Variants in CCDC85C observed in about 807,000 individuals in gnomAD.
The protein encoded by CCDC85C is coiled-coil domain-containing protein 85C.
Under a neutral mutation model 38.3 loss-of-function variants are expected in CCDC85C, and 18 were observed. The ratio of observed to expected loss-of-function variants is 0.47; its 90% confidence interval spans 0.33 to 0.70. The LOEUF (loss-of-function observed/expected upper bound fraction) is 0.70, where lower values mean the gene tolerates loss of function less well. Ranked by LOEUF, CCDC85C falls within the 30% of genes least tolerant of loss-of-function variation. The probability of loss-of-function intolerance (pLI) is 0.03; values close to 1 mark genes in which losing one functional copy is unlikely to be tolerated. For missense variants in CCDC85C, 566 were observed against 621.2 expected (o/e 0.91, Z 0.94); for synonymous variants, 264 against 293.8 (o/e 0.90, Z 1.04).
Position 99,501,200 on chromosome 14 carries a change from A to T in CCDC85C, c.*14046T>A, listed in dbSNP as rs1221513005. 5 of 639,494 alleles carry T rather than the reference A, an allele frequency of 7.8e-6. No individual in the cohort carries two copies. In the East Asian group the frequency reaches 1.1e-4, roughly 14 times the overall value. 39.6% of individuals were successfully genotyped at this position (639,494 alleles called of 1,614,324 possible). A position where few individuals can be genotyped will look rare whatever the true frequency, so the allele number is the denominator to read the frequency against. On this transcript the variant is annotated 3_prime_UTR_variant, in exon 6 of 6. Coordinates refer to ENST00000380243, the MANE Select transcript of CCDC85C (RefSeq NM_001144995.2). ...GTCATGAGGAGGAAGAAGGGGTAGG[A>T]TGTGGACCCACATCATTCATCCTTG...
At position 99,515,309 on chromosome 14, in the gene CCDC85C, T is replaced by C. The variant is rs1566758041; in HGVS notation, c.1197A>G (p.Ala399=). Residue 399 remains alanine (A), a synonymous_variant, in exon 6 of 6, where the codon GCA becomes GCG. Transcript: ENST00000380243. The part of the protein sequence containing the change: ...CNVVWRKLGD[A]ASSKPSIRQH... ...GCCGTATGGAGGGCTTGGAGCTGGC[T>C]GCATCTCCCAGCTTTCTCCAGACCA... The C allele has an allele frequency of 1.9e-6, 3 of 1,550,786 alleles. No homozygotes were observed. The highest frequency in any genetic ancestry group is 2.6e-6 in the Non-Finnish European group (3 of 1,146,802).
chr14:99,596,273 C>T (rs183778561), intron 1 of CCDC85C, among the ~76,000 whole-genome samples: 7 of 152,310 alleles, frequency 4.6e-5, no homozygotes, highest in South Asian at 2.1e-4. Flanking sequence ...TTCTAAGACA[C>T]GCCCCATATT....
At chr14:99,565,283 G>A (rs541471887) in intron 1 of CCDC85C, among the ~76,000 whole-genome samples, 84 of 152,288 alleles carry the variant, frequency 5.5e-4, no homozygotes, top group Middle Eastern at 6.8e-3. Context: ...CCACCCCTGC[G>A]GGGCTCAGCT....
At position 99,507,081 on chromosome 14, in the gene CCDC85C, C is replaced by T. The variant is rs1307601966; in HGVS notation, c.*8165G>A. On this transcript the variant is annotated 3_prime_UTR_variant, in exon 6 of 6. Coordinates refer to ENST00000380243, the MANE Select transcript of CCDC85C (RefSeq NM_001144995.2). Reference sequence around the variant, plus strand: ...AATCTGCTTTTTCTTTGTAGAACCACCACCACCTAAAATCCCCAAAATTGA... The same window carrying T: ...AATCTGCTTTTTCTTTGTAGAACCATCACCACCTAAAATCCCCAAAATTGA... 2.5e-6 allele frequency: 4 copies of T among 1,604,040 alleles called. No individual in the cohort carries two copies. In the African/African-American group the frequency reaches 4.0e-5, roughly 16 times the overall value.
Position 99,501,019 on chromosome 14 carries a change from T to C in CCDC85C, c.*14227A>G. The stretch of plus-strand genomic sequence containing the variant: ...ATGGCTTGCTCAGTCAATTCAGCAT[T>C]GCAGCTGCTAATGCTGTTTCCTTTT... On this transcript the variant is annotated 3_prime_UTR_variant, in exon 6 of 6. Coordinates refer to ENST00000380243, the MANE Select transcript of CCDC85C (RefSeq NM_001144995.2). 1.6e-6 allele frequency: 1 copy of C among 634,708 alleles called. No homozygotes were observed. Among genetic ancestry groups the C allele is most frequent in the African/African-American group, 1.9e-5 (1 of 53,752 alleles). 39.3% of individuals were successfully genotyped at this position (634,708 alleles called of 1,614,324 possible). A position where few individuals can be genotyped will look rare whatever the true frequency, so the allele number is the denominator to read the frequency against.
rs1898480321 is a variant in CCDC85C at position 99,576,530 on chromosome 14, C to T, written c.793+26637G>A. The T allele has an allele frequency of 1.3e-5, 2 of 152,338 alleles. No homozygotes were observed. The highest frequency in any genetic ancestry group is 4.8e-5 in the African/African-American group (2 of 41,460). 9.4% of individuals were successfully genotyped at this position (152,338 alleles called of 1,614,324 possible). A position where few individuals can be genotyped will look rare whatever the true frequency, so the allele number is the denominator to read the frequency against. On this transcript the variant is annotated intron_variant, in intron 1 of 5. Coordinates refer to ENST00000380243, the MANE Select transcript of CCDC85C (RefSeq NM_001144995.2). This position sits in a 1 kb window ranked among gnomAD's most constrained non-coding sequence, Gnocchi z 4.8. ...TTCTCATGAACCACACCAGTGGGAC[C>T]TGCCTCGCTGGTCCAGCAGCTTAGC...
intron 1 of CCDC85C, among the ~76,000 whole-genome samples, chr14:99,541,052 T>G (rs1343281071): frequency 6.6e-6 from 1 of 151,966 alleles, no homozygotes; most frequent in Non-Finnish European, 1.5e-5. Context: ...CAGACTTTGC[T>G]GTGTCCAGAA....
At chr14:99,543,546 T>C (rs943793791) in intron 1 of CCDC85C, among the ~76,000 whole-genome samples, 2 of 152,134 alleles carry the variant, frequency 1.3e-5, no homozygotes, top group African/African-American at 2.4e-5. Flanking sequence ...CAGGGCCTCC[T>C]TCCTGAAGGA....
chr14:99,601,865 G>A (rs931457724), intron 1 of CCDC85C, among the ~76,000 whole-genome samples: 3 of 152,024 alleles, frequency 2.0e-5, no homozygotes, highest in African/African-American at 4.8e-5. Flanking sequence ...GTAAATAAAG[G>A]AAAAACATGC....
At chr14:99,528,838 AG>A (rs1897439094) in intron 2 of CCDC85C, among the ~76,000 whole-genome samples, 1 of 151,742 alleles carries the variant, frequency 6.6e-6, no homozygotes, top group Admixed American at 6.6e-5. Context: ...GGGGCGTGTT[AG>A]GGGGACGAGG....
intron 1 of CCDC85C, among the ~76,000 whole-genome samples, chr14:99,587,687 C>T (rs1026896197): frequency 3.9e-5 from 6 of 152,148 alleles, no homozygotes; most frequent in Non-Finnish European, 5.9e-5. Context: ...AGGGCAGCCA[C>T]GCATCTCAGG....
intron 1 of CCDC85C, among the ~76,000 whole-genome samples, chr14:99,547,955 A>G (rs1159560341): frequency 1.3e-5 from 2 of 152,278 alleles, no homozygotes; most frequent in African/African-American, 4.8e-5. Flanking sequence ...TTCTATCTCC[A>G]TAAAACTATT....
At chr14:99,534,726 T>G in intron 2 of CCDC85C, 1 of 702,322 alleles carries the variant, frequency 1.4e-6, no homozygotes, top group Non-Finnish European at 2.6e-6. Context: ...AAGGCTGGCG[T>G]CTAGGGAGCC....
intron 1 of CCDC85C, among the ~76,000 whole-genome samples, chr14:99,589,564 T>C (rs1290431492): frequency 6.6e-6 from 1 of 152,310 alleles, no homozygotes; most frequent in East Asian, 1.9e-4. Context: ...ATGGACCACT[T>C]TGGGCTCTGA....
Position 99,503,507 on chromosome 14 carries a change from C to A in CCDC85C, c.*11739G>T, listed in dbSNP as rs1277255129. On this transcript the variant is annotated 3_prime_UTR_variant, in exon 6 of 6. Transcript: ENST00000380243. ...GAAATAATTTTTGTCCGAGGCTGTT[C>A]ACAGTGACTGCCGTCGCTGATTCTG... 2 of 968,226 alleles carry A rather than the reference C, an allele frequency of 2.1e-6. No homozygotes were observed. The highest frequency in any genetic ancestry group is 1.5e-5 in the South Asian group (1 of 66,674). 60.0% of individuals were successfully genotyped at this position (968,226 alleles called of 1,614,324 possible).
intron 1 of CCDC85C, among the ~76,000 whole-genome samples, chr14:99,585,978 C>T (rs1457908147): frequency 6.6e-6 from 1 of 152,234 alleles, no homozygotes; most frequent in Non-Finnish European, 1.5e-5. Flanking sequence ...GTTGCCCTTC[C>T]CTGCCTTGGG....
chr14:99,600,847 T>C (rs12590160), intron 1 of CCDC85C, among the ~76,000 whole-genome samples: 149,907 of 152,314 alleles, frequency 0.98, 73,812 homozygotes, highest in Middle Eastern at 1. Context: ...CAATTTAAAG[T>C]TACAAGTCCC....
At chr14:99,583,467 G>A (rs1265351386) in intron 1 of CCDC85C, among the ~76,000 whole-genome samples, 2 of 136,696 alleles carry the variant, frequency 1.5e-5, no homozygotes, top group East Asian at 4.3e-4. Context: ...TCGCATGATC[G>A]CACTCCAGGC....
intron 1 of CCDC85C, among the ~76,000 whole-genome samples, chr14:99,585,762 G>A (rs183317144): frequency 1.3e-5 from 2 of 152,242 alleles, no homozygotes; most frequent in East Asian, 3.9e-4. Context: ...GGCCCCCTTA[G>A]GTAGCACAGA....
Sources: gnomAD v4.1 joint callset for allele counts (sites outside exome capture counted in the v4.1 genomes callset) on GRCh38, gnomAD v4.1.1 for gene constraint, Gnocchi (gnomAD v3.1) non-coding constraint, MANE v1.5 for transcripts, NCBI Gene and HGNC (gene_info 2026-07-23, HGNC 2026-07-21) for gene names.